The following CPLANE1 variants were observed in gnomAD, a reference collection of about 807,000 sequenced individuals.
The protein encoded by CPLANE1 is ciliogenesis and planar polarity effector 1.
A neutral mutation model predicts 362.5 loss-of-function variants in CPLANE1; 263 were observed. That is an observed-to-expected ratio of 0.73 (90% CI 0.66 to 0.80). CPLANE1 has a LOEUF of 0.80. CPLANE1 is among the 30% of genes least tolerant of loss of function. The pLI is 0.00. For missense variants in CPLANE1, 3,461 were observed against 3,793.4 expected, an observed-to-expected ratio of 0.91 and a Z score of 2.30; for synonymous variants, 1,212 against 1,302.6, an observed-to-expected ratio of 0.93 and a Z score of 1.50.
rs1580661534 is a variant in CPLANE1, at chr5:37,198,749, G to T, written c.3625C>A (p.Gln1209Lys). The part of the protein sequence containing the change: ...RAAQCSFPVA[Q>K]WYILQLRWAR... ...CACCTCAACTGCAATATATACCACTGTGCTACAGGAAAAGAACACTGAGCC... is the reference window on the plus strand; with the variant it reads ...CACCTCAACTGCAATATATACCACTTTGCTACAGGAAAAGAACACTGAGCC... The change falls in exon 20 of 53, where the codon CAG (glutamine) becomes AAG (lysine). Residue 1209 changes from glutamine (Q) to lysine (K), a missense_variant. Gln to Lys is a moderately conservative substitution (Grantham distance 53, BLOSUM62 1). Transcript: ENST00000651892. 4 of 1,614,016 alleles carry T rather than the reference G, an allele frequency of 2.5e-6. No individual in the cohort carries two copies. In the East Asian group the frequency reaches 8.9e-5, roughly 36 times the overall value.
intron 7 of CPLANE1, 54 bp downstream of exon 7, chr5:37,239,659 C>A: frequency 3.6e-6 from 4 of 1,123,436 alleles, no homozygotes; most frequent in East Asian, 4.2e-5. Flanking sequence ...AATCTCAAAA[C>A]TGGAATAAAC....
chr5:37,152,388 G>A lies in CPLANE1; in HGVS notation c.8373+1352C>T, dbSNP rs376710865. ...GAGGTCTCGCTACGTTGCCTGGGCT[G>A]ATCTCAAACTCCTGGCCTCGAGTAC... On this transcript the variant is annotated intron_variant, in intron 42 of 52. Transcript: ENST00000651892. Among the ~76,000 whole-genome samples the A allele has an allele frequency of 2.9e-3, 441 of 152,026 alleles. 2 individuals carry two copies. The highest frequency in any genetic ancestry group is 4.7e-3 in the Non-Finnish European group (320 of 67,980).
intron 35 of CPLANE1, among the ~76,000 whole-genome samples, chr5:37,166,078 T>C (rs1195724852): frequency 6.6e-6 from 1 of 152,136 alleles, no homozygotes; most frequent in Non-Finnish European, 1.5e-5. Flanking sequence ...GGTCTCAAAA[T>C]GCTAAAGGGA....
intron 52 of CPLANE1, 47 bp downstream of exon 52, chr5:37,108,246 G>C: frequency 1.3e-6 from 2 of 1,511,232 alleles, no homozygotes; most frequent in Non-Finnish European, 9.0e-7. Context: ...AAAACCTGAA[G>C]AACATAGAGC....
chr5:37,177,536 T>C (rs552681073), intron 30 of CPLANE1, 85 bp downstream of exon 30: 10 of 907,512 alleles, frequency 1.1e-5, no homozygotes, highest in African/African-American at 1.7e-5. Flanking sequence ...CCCTAAATCA[T>C]GTATTGTAAA....
intron 38 of CPLANE1, among the ~76,000 whole-genome samples, chr5:37,159,502 A>G (rs1196189477): frequency 6.6e-6 from 1 of 152,214 alleles, no homozygotes; most frequent in Non-Finnish European, 1.5e-5. Context: ...GTGTTTTAAC[A>G]TCTAAATTTC....
intron 50 of CPLANE1, among the ~76,000 whole-genome samples, chr5:37,117,896 T>C (rs971166670): frequency 5.9e-5 from 9 of 152,220 alleles, no homozygotes; most frequent in African/African-American, 2.2e-4. Context: ...CAGGAGGACA[T>C]ATTTCCATAT....
At chr5:37,246,694 TGAG>T (rs1368811916) in intron 2 of CPLANE1, among the ~76,000 whole-genome samples, 1 of 152,044 alleles carries the variant, frequency 6.6e-6, no homozygotes, top group Non-Finnish European at 1.5e-5. Flanking sequence ...ACCTCAGAAG[TGAG>T]GAGTTCAAGA....
chr5:37,159,402 C>T (rs554968668), intron 38 of CPLANE1, among the ~76,000 whole-genome samples: 7 of 152,306 alleles, frequency 4.6e-5, no homozygotes, highest in African/African-American at 9.6e-5. Context: ...TGAGCCACCG[C>T]GCCCGGCCTA....
At chr5:37,182,102 AAAAAC>A (rs1379142400) in intron 26 of CPLANE1, among the ~76,000 whole-genome samples, 3 of 152,234 alleles carry the variant, frequency 2.0e-5, no homozygotes, top group Admixed American at 1.3e-4. Flanking sequence ...AAAAAAAACA[AAAAAC>A]AAAACAAAAC....
Position 37,187,804 on chromosome 5 carries a change from G to T in CPLANE1, c.3850C>A (p.His1284Asn). The T allele has an allele frequency of 6.2e-7, 1 of 1,613,834 alleles. No homozygotes were observed. Among genetic ancestry groups the T allele is most frequent in the Non-Finnish European group, 8.5e-7 (1 of 1,179,866 alleles). The change falls in exon 22 of 53, where the codon CAT (histidine) becomes AAT (asparagine). Residue 1284 changes from histidine (H) to asparagine (N), a missense_variant. Transcript: ENST00000651892. ...CTATAGGATAACTTATCACGGACAT[G>T]CAGCATCCAACACAGAGCACAAAGT... ...RELCALCWML[H>N]VRDKLSYSCR...
In CPLANE1 at chr5:37,183,497, G is replaced by A. The variant is rs1389387167; in HGVS notation, c.4684C>T (p.Leu1562Phe). The change falls in exon 26 of 53, where the codon CTT (leucine) becomes TTT (phenylalanine). Residue 1562 changes from leucine to phenylalanine, a missense_variant. This residue lies in a region of CPLANE1 where 3,380 missense variants were observed against 3,666.1 expected (regional missense o/e 0.92). Coordinates refer to ENST00000651892, the MANE Select transcript of CPLANE1 (RefSeq NM_001384732.1). ...KFLDLFLSYILERDLPYSRDA... is the reference protein window; with the variant it reads ...KFLDLFLSYIFERDLPYSRDA... ...CTGGAATAAGGTAGGTCTCTTTCAA[G>A]AATGTAACTCAAAAACAGATCAAGG... The A allele has an allele frequency of 2.5e-6, 4 of 1,613,520 alleles. No individual in the cohort carries two copies. Among genetic ancestry groups the A allele is most frequent in the African/African-American group, 1.3e-5 (1 of 75,048 alleles).
At chr5:37,092,271 C>G in the CPLANE1 span, among the ~76,000 whole-genome samples, 4 of 152,178 alleles carry the variant, frequency 2.6e-5, no homozygotes, top group Admixed American at 1.3e-4. Flanking sequence ...CATATCACTC[C>G]ACTATCTTCC....
chr5:37,081,236 A>C, the CPLANE1 span, among the ~76,000 whole-genome samples: 1 of 152,232 alleles, frequency 6.6e-6, no homozygotes, highest in Non-Finnish European at 1.5e-5. Context: ...ACTAACCTTG[A>C]GATGCCCCAA....
intron 16 of CPLANE1, chr5:37,210,819 C>CT: frequency 1.0e-6 from 1 of 983,958 alleles, no homozygotes; most frequent in Admixed American, 1.7e-5. Flanking sequence ...TCAGAAAGAA[C>CT]TAAGGAGAGC....
chr5:37,100,791 G>C, the CPLANE1 span, among the ~76,000 whole-genome samples: 4 of 152,052 alleles, frequency 2.6e-5, no homozygotes, highest in African/African-American at 9.7e-5. Flanking sequence ...TGATTTCTTT[G>C]AGCAGTGCTT....
chr5:37,160,979 CT>C, intron 38 of CPLANE1, among the ~76,000 whole-genome samples: 1 of 152,232 alleles, frequency 6.6e-6, no homozygotes, highest in South Asian at 2.1e-4. Context: ...CCTATAATTA[CT>C]TTTTTTGACC....
At chr5:37,228,626 A>G (rs1796979658) in intron 9 of CPLANE1, among the ~76,000 whole-genome samples, 1 of 152,208 alleles carries the variant, frequency 6.6e-6, no homozygotes, top group Non-Finnish European at 1.5e-5. Flanking sequence ...TAAAAAAGAA[A>G]CTAATATTGC....
At chr5:37,192,077 C>T (rs1258223878) in intron 21 of CPLANE1, among the ~76,000 whole-genome samples, 2 of 152,130 alleles carry the variant, frequency 1.3e-5, no homozygotes, top group Non-Finnish European at 2.9e-5. Flanking sequence ...GTGACCCATA[C>T]TTACCATTTT....
Sources: gnomAD v4.1 joint callset for allele counts (sites outside exome capture counted in the v4.1 genomes callset) on GRCh38, gnomAD v4.1.1 for gene constraint, gnomAD v4.1.1 regional missense constraint, MANE v1.5 for transcripts, NCBI Gene and HGNC (gene_info 2026-07-23, HGNC 2026-07-21) for gene names.